ASIC2: variants seen among roughly 807,000 people sequenced by gnomAD.
ASIC2 encodes acid sensing ion channel subunit 2, also known as acid-sensing ion channel 2.
In ASIC2, 25 loss-of-function variants were observed where a neutral mutation model predicts 57.3. The observed-to-expected ratio is 0.44, with a 90% CI of 0.32 to 0.61. The LOEUF is 0.61. Among genes scored for constraint, ASIC2 ranks in the 20% least tolerant of loss-of-function variants. ASIC2 has a pLI of 0.06. For synonymous variants in ASIC2, 319 were observed against 307.5 expected, an observed-to-expected ratio of 1.04 and a Z score of -0.39; for missense variants, 641 against 738.1, an observed-to-expected ratio of 0.87 and a Z score of 1.52.
At chr17:33,157,218 C>A (rs926528811) in intron 1 of ASIC2, among the ~76,000 whole-genome samples, 21 of 152,108 alleles carry the variant, frequency 1.4e-4, no homozygotes, top group African/African-American at 4.8e-4. Context: ...CCCAGGGAAA[C>A]CAACCAATCA....
At chr17:33,337,282 T>C (rs1032440188) in intron 1 of ASIC2, among the ~76,000 whole-genome samples, 1 of 152,210 alleles carries the variant, frequency 6.6e-6, no homozygotes, top group African/African-American at 2.4e-5. Flanking sequence ...AGGGCTACCA[T>C]TCATTGAGTC....
At chr17:33,646,623 G>A (rs1029636126) in intron 1 of ASIC2, among the ~76,000 whole-genome samples, 1 of 152,136 alleles carries the variant, frequency 6.6e-6, no homozygotes, top group Non-Finnish European at 1.5e-5. Context: ...TGAATTCCAG[G>A]TATTGGAAAC....
intron 1 of ASIC2, among the ~76,000 whole-genome samples, chr17:33,903,867 A>C (rs1356361370): frequency 2.0e-5 from 3 of 152,168 alleles, no homozygotes; most frequent in African/African-American, 4.8e-5. Flanking sequence ...GATGGGGCTT[A>C]AAGAATTATA....
Position 33,156,151 on chromosome 17 carries a change from C to T in ASIC2, c.709-44084G>A, listed in dbSNP as rs149208688. Among the ~76,000 whole-genome samples, 657 of 150,188 alleles carry T rather than the reference C, an allele frequency of 4.4e-3. 5 individuals carry two copies. Among genetic ancestry groups the T allele is most frequent in the African/African-American group, 0.015 (609 of 40,826 alleles). On this transcript the variant is annotated intron_variant, in intron 1 of 9. Coordinates refer to ENST00000225823, the MANE Select transcript of ASIC2 (RefSeq NM_183377.2). ...GGGAGCTTGTTTTTTTTTTTTTAAC[C>T]GAGTCTCACTCCGTTGCCCAGGCTG...
At chr17:33,198,700 C>T (rs1466279816) in intron 1 of ASIC2, among the ~76,000 whole-genome samples, 1 of 152,208 alleles carries the variant, frequency 6.6e-6, no homozygotes, top group Non-Finnish European at 1.5e-5. Flanking sequence ...AGGACTCATT[C>T]CCTGTGTGGC....
At chr17:33,248,573 C>A (rs936146148) in intron 1 of ASIC2, among the ~76,000 whole-genome samples, 12 of 152,198 alleles carry the variant, frequency 7.9e-5, no homozygotes, top group Admixed American at 6.5e-4. Context: ...GGCCACAGAT[C>A]CAGAATTTGT....
chr17:34,078,564 G>A (rs1362390745), intron 1 of ASIC2, among the ~76,000 whole-genome samples: 3 of 152,104 alleles, frequency 2.0e-5, no homozygotes, highest in Non-Finnish European at 2.9e-5. Flanking sequence ...TAGCACCCCC[G>A]GAAGTGCTGG....
chr17:33,576,848 G>A (rs1438004479), intron 1 of ASIC2, among the ~76,000 whole-genome samples: 2 of 152,184 alleles, frequency 1.3e-5, no homozygotes, highest in African/African-American at 4.8e-5. Context: ...TGATCCTGGG[G>A]AAAGGTATAG....
chr17:34,013,164 C>G lies in ASIC2; in HGVS notation c.555+142814G>C, dbSNP rs559946003. Among the ~76,000 whole-genome samples the G allele has an allele frequency of 8.3e-4, 126 of 152,328 alleles. 1 individual carries two copies. Among genetic ancestry groups the G allele is most frequent in the Middle Eastern group, 3.4e-3 (1 of 294 alleles). On this transcript the variant is annotated intron_variant, in intron 1 of 9. Coordinates refer to the ASIC2 transcript ENST00000359872. ...GAAAGGAAGGATAGACGGGGGCCAA[C>G]TGGCAGTGGAATCCTGGGGTAACCA... is the stretch of plus-strand genomic sequence containing the variant.
At chr17:33,972,383 G>T (rs766947910) in intron 1 of ASIC2, among the ~76,000 whole-genome samples, 1 of 152,132 alleles carries the variant, frequency 6.6e-6, no homozygotes, top group Non-Finnish European at 1.5e-5. Context: ...AACTCTAAAA[G>T]AGTAGTTTCT....
At chr17:33,626,805 A>G (rs1048972246) in intron 1 of ASIC2, among the ~76,000 whole-genome samples, 6 of 152,226 alleles carry the variant, frequency 3.9e-5, no homozygotes, top group Admixed American at 2.0e-4. Context: ...CATTTGCAAC[A>G]TGCACCATTT....
intron 1 of ASIC2, among the ~76,000 whole-genome samples, chr17:33,639,400 G>A (rs1233791351): frequency 1.3e-5 from 2 of 152,160 alleles, no homozygotes; most frequent in Non-Finnish European, 2.9e-5. Context: ...CATGGTCCAT[G>A]TGAACTTTTT....
intron 1 of ASIC2, among the ~76,000 whole-genome samples, chr17:33,163,554 G>A (rs147212388): frequency 1.1e-4 from 16 of 152,194 alleles, no homozygotes; most frequent in Admixed American, 9.2e-4. Context: ...CCAGGCATAC[G>A]ATGCCAAGTG....
At chr17:33,391,173 T>C (rs549179051) in intron 1 of ASIC2, among the ~76,000 whole-genome samples, 1 of 152,296 alleles carries the variant, frequency 6.6e-6, no homozygotes, top group South Asian at 2.1e-4. Flanking sequence ...ATTTTATAGA[T>C]GATGAAAAAT....
chr17:33,893,727 A>G (rs1028842329), intron 1 of ASIC2, among the ~76,000 whole-genome samples: 1 of 152,228 alleles, frequency 6.6e-6, no homozygotes, highest in Middle Eastern at 3.2e-3. Flanking sequence ...AACTTAGTCC[A>G]TAATCCTTAT....
chr17:33,760,198 A>G (rs1910739723), intron 1 of ASIC2, among the ~76,000 whole-genome samples: 1 of 152,044 alleles, frequency 6.6e-6, no homozygotes, highest in African/African-American at 2.4e-5. Flanking sequence ...ATAGCATTAA[A>G]TAAAACATAT....
chr17:33,518,203 T>C (rs1914632708), intron 1 of ASIC2, among the ~76,000 whole-genome samples: 1 of 152,210 alleles, frequency 6.6e-6, no homozygotes. Context: ...CTGAACTCTG[T>C]AGAAATTTGG....
At chr17:33,984,789 A>G (rs1169156199) in intron 1 of ASIC2, among the ~76,000 whole-genome samples, 1 of 152,192 alleles carries the variant, frequency 6.6e-6, no homozygotes, top group East Asian at 1.9e-4. Flanking sequence ...TGCTGAAAGG[A>G]GATGGAGGAA....
At chr17:33,995,055 A>G (rs1906114607) in intron 1 of ASIC2, among the ~76,000 whole-genome samples, 1 of 152,144 alleles carries the variant, frequency 6.6e-6, no homozygotes, top group Non-Finnish European at 1.5e-5. Context: ...TAGCTTGCCT[A>G]CTAGCTGCAT....
Sources: allele counts gnomAD v4.1 joint callset (sites outside exome capture counted in the v4.1 genomes callset), GRCh38; gene constraint gnomAD v4.1.1; transcripts MANE v1.5; gene names NCBI Gene and HGNC (gene_info 2026-07-23, HGNC 2026-07-21).